The following WNK2 variants were observed in gnomAD, a reference collection of about 807,000 sequenced individuals.
The protein encoded by WNK2 is serine/threonine-protein kinase WNK2.
A neutral mutation model predicts 192.1 loss-of-function variants in WNK2; 67 were observed. That is an observed-to-expected ratio of 0.35 (90% CI 0.29 to 0.43). The LOEUF (loss-of-function observed/expected upper bound fraction) is 0.43. Ranked by LOEUF, WNK2 falls within the 20% of genes least tolerant of loss-of-function variation. WNK2 has a pLI of 1.00. For missense variants in WNK2, 2,698 were observed against 3,089.7 expected (o/e 0.87, Z 3.01); for synonymous variants, 1,439 against 1,393.9 (o/e 1.03, Z -0.72).
chr9:93,256,823 T>G, intron 10 of WNK2, 125 bp from the exon 11 acceptor site: 1 of 872,138 alleles, frequency 1.1e-6, no homozygotes, highest in Non-Finnish European at 1.7e-6. Context: ...TGCAGGCATG[T>G]GTGAATGTGA....
intron 7 of WNK2, among the ~76,000 whole-genome samples, chr9:93,245,286 C>T (rs989036144): frequency 5.9e-5 from 9 of 152,198 alleles, no homozygotes; most frequent in Admixed American, 4.6e-4. Flanking sequence ...TTCTTGCATC[C>T]GGAAATACCG....
chr9:93,259,248 T>C lies in WNK2; in HGVS notation c.2700T>C (p.His900=). 1.9e-6 allele frequency: 3 copies of C among 1,613,388 alleles called. No homozygotes were observed. The highest frequency in any genetic ancestry group is 1.1e-5 in the South Asian group (1 of 91,078). ...APPGVAALSI[H]SAVAQLPGQP... ...CGGGCGTGGCTGCCCTGTCCATTCA[T>C]TCTGCCGTGGCCCAGCTCCCAGGCC... is the stretch of plus-strand genomic sequence containing the variant. The change falls in exon 12 of 30, where the codon CAT becomes CAC. Residue 900 remains histidine, a synonymous_variant. Coordinates refer to ENST00000427277, the MANE Select transcript of WNK2 (RefSeq NM_006648.4). The surrounding 1 kb of genome is among the most constrained non-coding windows in gnomAD (Gnocchi z 4.8).
In WNK2 at chr9:93,289,909, C is replaced by T. The variant is rs1274494946; in HGVS notation, c.4867-69C>T. ...GCTTGAGATGAGGGGAGTGGATTTG[C>T]AGATACAGCTGTTGAGATGCTGACC... On this transcript the variant is annotated intron_variant, in intron 20 of 29. Coordinates refer to ENST00000427277, the MANE Select transcript of WNK2 (RefSeq NM_006648.4). The T allele has an allele frequency of 9.0e-6, 13 of 1,444,206 alleles. No homozygotes were observed. The Admixed American group carries it at 2.6e-4, about 29-fold the overall frequency. 89.5% of individuals were successfully genotyped at this position (1,444,206 alleles called of 1,614,324 possible).
Position 93,190,103 on chromosome 9 carries a change from C to T in WNK2, c.681+4493C>T, listed in dbSNP as rs76295897. 9.3e-3 allele frequency among the ~76,000 whole-genome samples: 1,413 copies of T among 152,284 alleles called. 10 individuals carry two copies. The highest frequency in any genetic ancestry group is 0.025 in the South Asian group (119 of 4,824). The stretch of plus-strand genomic sequence containing the variant: ...CCAGCACTGAATTTGCTTTCCTGGG[C>T]GAGATGTTTTCTGCACCATGCTGAC... On this transcript the variant is annotated intron_variant, in intron 2 of 29. Coordinates refer to ENST00000427277, the MANE Select transcript of WNK2 (RefSeq NM_006648.4).
intron 29 of WNK2, chr9:93,317,923 GT>G (rs769013966): frequency 1.2e-6 from 2 of 1,600,640 alleles, no homozygotes; most frequent in South Asian, 2.2e-5. Context: ...TGGCCTCCGA[GT>G]CCCCCCCACC....
chr9:93,287,116 G>T (rs1289014744), intron 19 of WNK2, among the ~76,000 whole-genome samples: 2 of 152,184 alleles, frequency 1.3e-5, no homozygotes, highest in Admixed American at 1.3e-4. Context: ...TAACAATAGA[G>T]TATCATGCTT....
At chr9:93,225,600 C>T (rs1588022345) in intron 2 of WNK2, among the ~76,000 whole-genome samples, 1 of 152,146 alleles carries the variant, frequency 6.6e-6, no homozygotes, top group South Asian at 2.1e-4. Context: ...GCAGGGTACG[C>T]CCCCCTACTT....
chr9:93,269,402 A>G (rs560006161), intron 19 of WNK2, among the ~76,000 whole-genome samples: 3 of 152,326 alleles, frequency 2.0e-5, no homozygotes, highest in South Asian at 2.1e-4. Flanking sequence ...CATGAAAAAT[A>G]TCTGTAAATC....
chr9:93,292,923 G>A lies in WNK2; in HGVS notation c.5458G>A (p.Val1820Met). The change falls in exon 23 of 30, where the codon GTG becomes ATG. Residue 1820 changes from valine to methionine, a missense_variant. Val to Met is a conservative substitution (Grantham distance 21). Coordinates refer to ENST00000427277, the MANE Select transcript of WNK2 (RefSeq NM_006648.4). ...GDEGPRARPP[V>M]QKQASLPVSG... ...CGAGGGCCCTCGGGCGAGACCCCCG[G>A]TGCAGAAGCAGGCGTCCCTGCCCGT... 1 of 1,528,482 alleles carries A rather than the reference G, an allele frequency of 6.5e-7. No homozygotes were observed. The highest frequency in any genetic ancestry group is 1.4e-5 in the African/African-American group (1 of 72,554). 94.7% of individuals were successfully genotyped at this position (1,528,482 alleles called of 1,614,324 possible).
intron 14 of WNK2, among the ~76,000 whole-genome samples, chr9:93,263,068 C>T (rs1371700068): frequency 6.6e-6 from 1 of 152,192 alleles, no homozygotes; most frequent in African/African-American, 2.4e-5. Flanking sequence ...GGGCTGAATC[C>T]AGCCCCGATC....
rs749703943 is a variant in WNK2 at position 93,299,217 on chromosome 9, TCTG to T, written c.6074_6076del (p.Cys2025del). ...GTCCGGGCCTCCCTGTCTTCGGACA[TCTG>T]CTCCGGCTTAGCCAGTGATGGAGGC... On this transcript the variant is annotated inframe_deletion, in exon 25 of 30. Coordinates refer to ENST00000427277, the MANE Select transcript of WNK2 (RefSeq NM_006648.4). 9 of 1,593,568 alleles carry T rather than the reference TCTG, an allele frequency of 5.6e-6. No homozygotes were observed. The highest frequency in any genetic ancestry group is 1.7e-5 in the Admixed American group (1 of 58,902).
intron 2 of WNK2, among the ~76,000 whole-genome samples, chr9:93,209,101 A>G (rs1301132964): frequency 6.6e-6 from 1 of 152,110 alleles, no homozygotes; most frequent in African/African-American, 2.4e-5. Context: ...TTTTCTTCCA[A>G]ATGATTTCCT....
In WNK2 at chr9:93,259,546, G is replaced by A. The variant is rs571503860; in HGVS notation, c.2998G>A (p.Val1000Met). ...PVLPPQPALP[V>M]RPEPLQPHLP... ...GCTGCCCCCGCAGCCGGCACTGCCTGTGCGCCCTGAGCCCCTCCAGCCCCA... is the reference window on the plus strand; with the variant it reads ...GCTGCCCCCGCAGCCGGCACTGCCTATGCGCCCTGAGCCCCTCCAGCCCCA... Residue 1000 changes from valine to methionine, a missense_variant, in exon 12 of 30, where the codon GTG becomes ATG. Coordinates refer to ENST00000427277, the MANE Select transcript of WNK2 (RefSeq NM_006648.4). This position sits in a 1 kb window ranked among gnomAD's most constrained non-coding sequence, Gnocchi z 4.8. 78 of 1,592,958 alleles carry A rather than the reference G, an allele frequency of 4.9e-5. No individual in the cohort carries two copies. The highest frequency in any genetic ancestry group is 8.5e-5 in the Admixed American group (5 of 59,112).
rs571488765 is a variant in WNK2 at position 93,306,905 on chromosome 9, C to T, written c.6259+84C>T. 3.7e-5 allele frequency: 58 copies of T among 1,586,054 alleles called. No homozygotes were observed. The African/African-American group carries it at 5.1e-4, about 14-fold the overall frequency. ...TAGCGCACATCAGGGTTCCCGCGGC[C>T]GGGCGGGCGTGGGCCTGCCCTGTGC... On this transcript the variant is annotated intron_variant, in intron 27 of 29. Transcript: ENST00000427277.
rs145269032 is a variant in WNK2, at chr9:93,317,934, C to T, written c.6628+303C>T. On this transcript the variant is annotated intron_variant, in intron 29 of 29. Transcript: ENST00000427277. ...GGTTTGGCCTCCGAGTCCCCCCCAC[C>T]GCCTGCTGTGGGCACAGCACTCAGC... The T allele has an allele frequency of 3.6e-5, 58 of 1,605,488 alleles. No individual in the cohort carries two copies. In the African/African-American group the frequency reaches 4.5e-4, roughly 13 times the overall value.
chr9:93,227,049 A>C (rs1349678520), intron 2 of WNK2, among the ~76,000 whole-genome samples: 1 of 150,166 alleles, frequency 6.7e-6, no homozygotes, highest in Non-Finnish European at 1.5e-5. Flanking sequence ...CGCCACCTGA[A>C]CTCCTGGTAG....
rs1374280231 is a variant in WNK2 at position 93,261,838 on chromosome 9, T to C, written c.3091T>C (p.Tyr1031His). The change falls in exon 13 of 30, where the codon TAT (tyrosine) becomes CAT (histidine). Residue 1031 changes from tyrosine (Y) to histidine (H), a missense_variant. Physicochemically the swap from Tyr to His is moderately conservative, Grantham distance 83 (BLOSUM62 2). Coordinates refer to ENST00000427277, the MANE Select transcript of WNK2 (RefSeq NM_006648.4). ...GATTCTGCTTGGCCACCCAGCTCCC[T>C]ATGCTGTGGACGTCGCCGCTCAGGT... is the stretch of plus-strand genomic sequence containing the variant. Reference protein sequence around the residue: ...SQILLGHPAPYAVDVAAQVPT... With the variant: ...SQILLGHPAPHAVDVAAQVPT... 1.3e-6 allele frequency: 2 copies of C among 1,596,734 alleles called. No individual in the cohort carries two copies. The highest frequency in any genetic ancestry group is 2.2e-5 in the East Asian group (1 of 44,804).
intron 18 of WNK2, among the ~76,000 whole-genome samples, chr9:93,268,338 G>C (rs994056609): frequency 6.6e-6 from 1 of 152,194 alleles, no homozygotes; most frequent in Non-Finnish European, 1.5e-5. Context: ...GGCACCCCAG[G>C]TTCTGCTGTG....
At chr9:93,191,059 A>G (rs10512222) in intron 2 of WNK2, among the ~76,000 whole-genome samples, 118,396 of 151,976 alleles carry the variant, frequency 0.78, 46,535 homozygotes, top group Non-Finnish European at 0.83. Context: ...GGATTGGACT[A>G]TGAGAACCTA....
Sources: gnomAD v4.1 joint callset for allele counts (sites outside exome capture counted in the v4.1 genomes callset) on GRCh38, gnomAD v4.1.1 for gene constraint, Gnocchi (gnomAD v3.1) non-coding constraint, MANE v1.5 for transcripts, NCBI Gene and HGNC (gene_info 2026-07-23, HGNC 2026-07-21) for gene names.